The following TNFRSF21 variants were observed in gnomAD, a reference collection of about 807,000 sequenced individuals.
TNFRSF21 encodes the protein TNF receptor superfamily member 21.
TNFRSF21 carries 19 observed loss-of-function variants against 45.6 expected under a neutral mutation model. That is an observed-to-expected ratio of 0.42 (90% CI 0.29 to 0.61). The LOEUF (loss-of-function observed/expected upper bound fraction) is 0.61. TNFRSF21 is among the 20% of genes least tolerant of loss of function. The pLI is 0.23. For missense variants in TNFRSF21, 737 were observed against 851.5 expected, an observed-to-expected ratio of 0.87 and a Z score of 1.67; for synonymous variants, 314 against 335.5, an observed-to-expected ratio of 0.94 and a Z score of 0.70.
intron 3 of TNFRSF21, among the ~76,000 whole-genome samples, chr6:47,275,865 C>T (rs557030546): frequency 2.6e-5 from 4 of 152,262 alleles, no homozygotes; most frequent in South Asian, 4.1e-4. Context: ...TTGAGCCTGG[C>T]CTCTTCCCTC....
At chr6:47,287,862 C>A (rs1428754326) in intron 1 of TNFRSF21, among the ~76,000 whole-genome samples, 1 of 152,116 alleles carries the variant, frequency 6.6e-6, no homozygotes, top group Non-Finnish European at 1.5e-5. Context: ...ACTATATACT[C>A]CAGAATGGCT....
chr6:47,308,527 T>C (rs1024793880), intron 1 of TNFRSF21, among the ~76,000 whole-genome samples: 1 of 152,196 alleles, frequency 6.6e-6, no homozygotes, highest in African/African-American at 2.4e-5. Context: ...GGGAGGGAAT[T>C]TGGGGGAAGT....
chr6:47,282,916 T>G (rs1041732295), intron 3 of TNFRSF21, among the ~76,000 whole-genome samples: 3 of 152,186 alleles, frequency 2.0e-5, no homozygotes, highest in Non-Finnish European at 4.4e-5. Flanking sequence ...AGACATGATG[T>G]TGGGTTAAAA....
intron 3 of TNFRSF21, among the ~76,000 whole-genome samples, chr6:47,270,891 T>C (rs1369263564): frequency 1.3e-5 from 2 of 152,170 alleles, no homozygotes; most frequent in Non-Finnish European, 1.5e-5. Context: ...AATAGCTGAT[T>C]TGATCAAGTG....
At chr6:47,264,234 A>G (rs184005210) in intron 3 of TNFRSF21, among the ~76,000 whole-genome samples, 143 of 152,362 alleles carry the variant, frequency 9.4e-4, no homozygotes, top group Non-Finnish European at 1.4e-3. Context: ...CATTTTAAAA[A>G]TAAATACCTT....
intron 1 of TNFRSF21, among the ~76,000 whole-genome samples, chr6:47,295,863 G>A (rs569570742): frequency 3.7e-4 from 56 of 152,222 alleles, no homozygotes; most frequent in African/African-American, 1.3e-3. Context: ...TAAAGCTGGT[G>A]AATATAGAGG....
chr6:47,245,588 A>G (rs1764813762), intron 4 of TNFRSF21, among the ~76,000 whole-genome samples: 1 of 152,046 alleles, frequency 6.6e-6, no homozygotes, highest in South Asian at 2.1e-4. Flanking sequence ...TTAAAATTCT[A>G]TGATGCATAT....
chr6:47,243,150 T>C (rs552564623), intron 4 of TNFRSF21, among the ~76,000 whole-genome samples: 2 of 152,174 alleles, frequency 1.3e-5, no homozygotes, highest in Non-Finnish European at 2.9e-5. Context: ...AGAATTACAA[T>C]GCATATGGTC....
intron 3 of TNFRSF21, among the ~76,000 whole-genome samples, chr6:47,264,498 G>C (rs966693568): frequency 3.3e-5 from 5 of 152,144 alleles, no homozygotes; most frequent in African/African-American, 4.8e-5. Context: ...CTGGGCGACA[G>C]AGCAAGACTC....
chr6:47,295,296 C>T (rs1322898870), intron 1 of TNFRSF21, among the ~76,000 whole-genome samples: 1 of 152,198 alleles, frequency 6.6e-6, no homozygotes, highest in Non-Finnish European at 1.5e-5. Flanking sequence ...AATTCTTACT[C>T]CATGACCTCA....
At chr6:47,234,608 G>A (rs753883080) in intron 5 of TNFRSF21, 62 bp downstream of exon 5, 12 of 1,355,936 alleles carry the variant, frequency 8.8e-6, no homozygotes, top group Middle Eastern at 2.5e-4. Context: ...GGGGAGGGAC[G>A]AATCCCAGGG....
At chr6:47,273,297 A>C (rs2014944501) in intron 3 of TNFRSF21, among the ~76,000 whole-genome samples, 1 of 152,222 alleles carries the variant, frequency 6.6e-6, no homozygotes, top group South Asian at 2.1e-4. Context: ...CCAGCAGTAC[A>C]TCAAAAAGCT....
intron 4 of TNFRSF21, among the ~76,000 whole-genome samples, chr6:47,236,136 C>G (rs1042570140): frequency 1.3e-5 from 2 of 152,194 alleles, no homozygotes; most frequent in Non-Finnish European, 2.9e-5. Context: ...TGGCAGAAAG[C>G]CAGTGCTCAA....
intron 3 of TNFRSF21, among the ~76,000 whole-genome samples, chr6:47,264,270 G>A (rs1762296486): frequency 6.6e-6 from 1 of 152,192 alleles, no homozygotes; most frequent in African/African-American, 2.4e-5. Flanking sequence ...GCTCACACCT[G>A]TAATCCCAGC....
chr6:47,290,377 T>C (rs1762708465), intron 1 of TNFRSF21, among the ~76,000 whole-genome samples: 1 of 151,940 alleles, frequency 6.6e-6, no homozygotes, highest in Non-Finnish European at 1.5e-5. Context: ...GCACAGGAGG[T>C]CATGAATAGC....
At position 47,254,647 on chromosome 6, in the gene TNFRSF21, C is replaced by G. The variant is rs568732223; in HGVS notation, c.1244-1126G>C. On this transcript the variant is annotated intron_variant, in intron 3 of 5. Transcript: ENST00000296861. ...TTATATCAACTAACAGTGTGCCCAG[C>G]TGTTCCAGGCCAATAGAAGCATTCC... Among the ~76,000 whole-genome samples the G allele has an allele frequency of 2.6e-5, 4 of 152,194 alleles. No individual in the cohort carries two copies. The South Asian group carries it at 8.3e-4, about 32-fold the overall frequency.
chr6:47,239,232 G>C (rs535176655), intron 4 of TNFRSF21, among the ~76,000 whole-genome samples: 107 of 146,822 alleles, frequency 7.3e-4, no homozygotes, highest in Non-Finnish European at 1.2e-3. Context: ...GTTGCAGTGA[G>C]GCGAGATCAC....
chr6:47,258,220 A>T (rs1331234807), intron 3 of TNFRSF21, among the ~76,000 whole-genome samples: 1 of 151,902 alleles, frequency 6.6e-6, no homozygotes, highest in Non-Finnish European at 1.5e-5. Flanking sequence ...AATACAAAAA[A>T]TTAGCGAGGC....
At chr6:47,306,932 A>C (rs1762949023) in intron 1 of TNFRSF21, among the ~76,000 whole-genome samples, 1 of 152,214 alleles carries the variant, frequency 6.6e-6, no homozygotes, top group African/African-American at 2.4e-5. Context: ...CCCAGGCTCC[A>C]GTACCTGATG....
Sources: allele counts gnomAD v4.1 joint callset (sites outside exome capture counted in the v4.1 genomes callset), GRCh38; gene constraint gnomAD v4.1.1; transcripts MANE v1.5; gene names NCBI Gene and HGNC (gene_info 2026-07-23, HGNC 2026-07-21).